Variants in MYO1D observed in about 807,000 individuals in gnomAD.
MYO1D encodes the protein myosin ID, also known as unconventional myosin-Id.
MYO1D carries 83 observed loss-of-function variants against 122.0 expected under a neutral mutation model. That is an observed-to-expected ratio of 0.68 (90% CI 0.57 to 0.82). MYO1D has a LOEUF of 0.82. Among genes scored for constraint, MYO1D ranks in the 40% least tolerant of loss-of-function variants. The pLI is 0.00. For synonymous variants in MYO1D, 464 were observed against 446.9 expected (o/e 1.04, Z -0.48); for missense variants, 1,157 against 1,269.5 (o/e 0.91, Z 1.35).
intron 21 of MYO1D, among the ~76,000 whole-genome samples, chr17:32,546,665 C>A (rs956944859): frequency 6.6e-6 from 1 of 152,216 alleles, no homozygotes; most frequent in East Asian, 1.9e-4. Context: ...TTTCCCCAAA[C>A]CCCTGTGCTC....
intron 19 of MYO1D, among the ~76,000 whole-genome samples, chr17:32,644,904 A>G (rs1388815874): frequency 6.6e-6 from 1 of 152,142 alleles, no homozygotes; most frequent in East Asian, 1.9e-4. Context: ...AGCATTTTGC[A>G]TATTTACATT....
At chr17:32,679,434 G>C (rs1231750875) in intron 16 of MYO1D, among the ~76,000 whole-genome samples, 1 of 152,018 alleles carries the variant, frequency 6.6e-6, no homozygotes, top group Non-Finnish European at 1.5e-5. Context: ...ACTGATTTTT[G>C]TATAAGGTGT....
At chr17:32,775,142 T>C (rs1598088484) in intron 4 of MYO1D, among the ~76,000 whole-genome samples, 1 of 149,132 alleles carries the variant, frequency 6.7e-6, no homozygotes, top group African/African-American at 2.5e-5. Flanking sequence ...CTCTACAAAA[T>C]AAAAAAAAAA....
chr17:32,677,643 ATTAC>A (rs986574087), intron 16 of MYO1D, among the ~76,000 whole-genome samples: 16 of 150,162 alleles, frequency 1.1e-4, no homozygotes, highest in Non-Finnish European at 2.2e-4. Context: ...ATATAAATAC[ATTAC>A]TTGATTGCAA....
intron 21 of MYO1D, among the ~76,000 whole-genome samples, chr17:32,521,597 T>C (rs1910140796): frequency 6.6e-6 from 1 of 152,196 alleles, no homozygotes; most frequent in African/African-American, 2.4e-5. Flanking sequence ...TTTGCTGAGA[T>C]GTGGGTGGTG....
intron 21 of MYO1D, among the ~76,000 whole-genome samples, chr17:32,576,539 T>C (rs1044673683): frequency 6.6e-6 from 1 of 152,244 alleles, no homozygotes; most frequent in Non-Finnish European, 1.5e-5. Flanking sequence ...CTAAATCATA[T>C]GATGGTAGTC....
At chr17:32,711,538 C>T (rs1051516682) in intron 16 of MYO1D, among the ~76,000 whole-genome samples, 20 of 151,618 alleles carry the variant, frequency 1.3e-4, no homozygotes, top group African/African-American at 4.4e-4. Flanking sequence ...CCCAGCTACT[C>T]GGGAGGCTGA....
At chr17:32,506,512 G>A (rs78645611) in intron 21 of MYO1D, among the ~76,000 whole-genome samples, 1 of 152,066 alleles carries the variant, frequency 6.6e-6, no homozygotes, top group African/African-American at 2.4e-5. Flanking sequence ...AGAAGGGAGG[G>A]TATAAAACAA....
intron 16 of MYO1D, among the ~76,000 whole-genome samples, chr17:32,700,943 CAAAAAA>C (rs751113475): frequency 7.7e-5 from 6 of 78,242 alleles, no homozygotes; most frequent in African/African-American, 2.3e-4. Flanking sequence ...GACTCCATCT[CAAAAAA>C]AAAAAAAAAA....
intron 21 of MYO1D, among the ~76,000 whole-genome samples, chr17:32,603,019 A>C (rs774364995): frequency 6.6e-6 from 1 of 152,114 alleles, no homozygotes; most frequent in Non-Finnish European, 1.5e-5. Flanking sequence ...GAAAGATTTT[A>C]TCTCTCATTT....
rs1250762708 is a variant in MYO1D at position 32,494,204 on chromosome 17, G to C, written c.*555C>G. 1 of 154,454 alleles carries C rather than the reference G, an allele frequency of 6.5e-6. No homozygotes were observed. The highest frequency in any genetic ancestry group is 6.5e-5 in the Admixed American group (1 of 15,342). The allele number at this position is 154,454 out of a possible 1,614,324, so 9.6% of individuals were successfully genotyped here. On this transcript the variant is annotated 3_prime_UTR_variant, in exon 22 of 22. Transcript: ENST00000318217. ...CTCCTGCCACTGGCTCCTGGCTGAGGGGCTGGCCCTGTGGGTGACTCTGCT... is the reference window on the plus strand; with the variant it reads ...CTCCTGCCACTGGCTCCTGGCTGAGCGGCTGGCCCTGTGGGTGACTCTGCT...
chr17:32,829,283 T>C (rs2090751116), intron 1 of MYO1D, among the ~76,000 whole-genome samples: 1 of 152,226 alleles, frequency 6.6e-6, no homozygotes, highest in South Asian at 2.1e-4. Context: ...GACAGATATT[T>C]ATCAGAACAT....
chr17:32,783,048 C>A (rs916761039), intron 1 of MYO1D, among the ~76,000 whole-genome samples: 2 of 151,978 alleles, frequency 1.3e-5, no homozygotes, highest in African/African-American at 4.8e-5. Flanking sequence ...AGATTCACTA[C>A]GCAAGTTTTT....
At chr17:32,597,677 G>A (rs1000476071) in intron 21 of MYO1D, among the ~76,000 whole-genome samples, 1 of 151,824 alleles carries the variant, frequency 6.6e-6, no homozygotes, top group Non-Finnish European at 1.5e-5. Flanking sequence ...TTTAAGACCA[G>A]CCTGGCCAAA....
intron 21 of MYO1D, among the ~76,000 whole-genome samples, chr17:32,515,977 C>T (rs531715534): frequency 6.6e-6 from 1 of 152,228 alleles, no homozygotes; most frequent in Non-Finnish European, 1.5e-5. Flanking sequence ...AAGTCTACCC[C>T]CTGCTCCGAT....
intron 1 of MYO1D, among the ~76,000 whole-genome samples, chr17:32,871,303 G>T (rs2091177383): frequency 6.6e-6 from 1 of 152,152 alleles, no homozygotes; most frequent in Non-Finnish European, 1.5e-5. Flanking sequence ...GTGAGTAGAG[G>T]CCAGGGATGC....
intron 16 of MYO1D, among the ~76,000 whole-genome samples, chr17:32,697,045 G>A (rs955639452): frequency 6.6e-6 from 1 of 152,176 alleles, no homozygotes; most frequent in African/African-American, 2.4e-5. Flanking sequence ...TCCAGAAAGT[G>A]TCCTCTCCCC....
At chr17:32,837,794 A>C (rs929869370) in intron 1 of MYO1D, among the ~76,000 whole-genome samples, 4 of 152,136 alleles carry the variant, frequency 2.6e-5, no homozygotes, top group African/African-American at 9.6e-5. Context: ...AGGACAAAAA[A>C]TTTGTATTTC....
chr17:32,679,867 C>T (rs1301174397), intron 16 of MYO1D, among the ~76,000 whole-genome samples: 5 of 150,730 alleles, frequency 3.3e-5, no homozygotes, highest in Admixed American at 6.6e-5. Flanking sequence ...GCCATTTTCA[C>T]GATATTGATT....
Sources: allele counts gnomAD v4.1 joint callset (sites outside exome capture counted in the v4.1 genomes callset), GRCh38; gene constraint gnomAD v4.1.1; transcripts MANE v1.5; gene names NCBI Gene and HGNC (gene_info 2026-07-23, HGNC 2026-07-21).